Variants in RAPGEF2 observed in about 807,000 individuals in gnomAD.
The protein encoded by RAPGEF2 is PDZ domain containing guanine nucleotide exchange factor (GEF) 1.
In RAPGEF2, 54 loss-of-function variants were observed where a neutral mutation model predicts 186.7. The observed-to-expected ratio is 0.29, with a 90% CI of 0.23 to 0.36. The LOEUF (loss-of-function observed/expected upper bound fraction) is 0.36, where lower values mean the gene tolerates loss of function less well. Among genes scored for constraint, RAPGEF2 ranks in the 10% least tolerant of loss-of-function variants. RAPGEF2 has a pLI of 1.00. For missense variants in RAPGEF2, 1,532 were observed against 2,045.0 expected, an observed-to-expected ratio of 0.75 and a Z score of 4.84; for synonymous variants, 712 against 705.9, an observed-to-expected ratio of 1.01 and a Z score of -0.14.
intron 3 of RAPGEF2, among the ~76,000 whole-genome samples, chr4:159,197,462 C>T (rs549169503): frequency 4.1e-4 from 63 of 152,260 alleles, no homozygotes; most frequent in Non-Finnish European, 5.3e-4. Context: ...ATAAGTGTAA[C>T]TGTGCACCTC....
rs1373886122 is a variant in RAPGEF2 at position 159,354,133 on chromosome 4, G to T, written c.4651+87G>T. The T allele has an allele frequency of 3.7e-6, 5 of 1,336,288 alleles. No individual in the cohort carries two copies. In the South Asian group the frequency reaches 4.7e-5, roughly 13 times the overall value. The allele number at this position is 1,336,288 out of a possible 1,614,324, so 82.8% of individuals were successfully genotyped here. On this transcript the variant is annotated intron_variant, in intron 28 of 29. Transcript: ENST00000691494. Reference sequence around the variant, plus strand: ...CAATAGTAAAATTATGTGTTTGTTGGTTCTTTTCCTCATTTTCTCCATTGC... The same window carrying T: ...CAATAGTAAAATTATGTGTTTGTTGTTTCTTTTCCTCATTTTCTCCATTGC...
intron 4 of RAPGEF2, among the ~76,000 whole-genome samples, chr4:159,230,638 T>G (rs1752530474): frequency 6.6e-6 from 1 of 152,304 alleles, no homozygotes; most frequent in South Asian, 2.1e-4. Context: ...TTCAGATCTT[T>G]GCGGGGGTAA....
At chr4:159,184,960 C>A (rs887042190) in intron 1 of RAPGEF2, among the ~76,000 whole-genome samples, 2 of 152,116 alleles carry the variant, frequency 1.3e-5, no homozygotes, top group African/African-American at 4.8e-5. Context: ...ATATGGCTAG[C>A]CAGTTTCCCC....
At chr4:159,162,616 G>GTTT (rs1157497870) in intron 1 of RAPGEF2, among the ~76,000 whole-genome samples, 1 of 152,002 alleles carries the variant, frequency 6.6e-6, no homozygotes, top group East Asian at 1.9e-4. Flanking sequence ...GAACCTAAGG[G>GTTT]TTTTGCTGGT....
At chr4:159,268,200 G>A (rs1199878452) in intron 7 of RAPGEF2, 42 of 1,603,656 alleles carry the variant, frequency 2.6e-5, no homozygotes, top group Non-Finnish European at 3.6e-5. Flanking sequence ...TTATGGGCCA[G>A]CAGGAGAAAC....
chr4:159,137,306 A>G (rs977161956), intron 1 of RAPGEF2, among the ~76,000 whole-genome samples: 3 of 152,166 alleles, frequency 2.0e-5, no homozygotes, highest in African/African-American at 7.2e-5. Flanking sequence ...TGGCCTGCAG[A>G]CTGCTTTCCT....
At chr4:159,316,158 G>A (rs192745889) in intron 9 of RAPGEF2, among the ~76,000 whole-genome samples, 7 of 152,226 alleles carry the variant, frequency 4.6e-5, no homozygotes, top group African/African-American at 1.2e-4. Context: ...CAGAAGGCTC[G>A]CACTCTTGTC....
intron 7 of RAPGEF2, among the ~76,000 whole-genome samples, chr4:159,280,531 AG>A (rs1337583048): frequency 1.3e-5 from 2 of 152,186 alleles, no homozygotes. Flanking sequence ...ACTTCCCTGA[AG>A]GAGTTCGTGT....
intron 1 of RAPGEF2, among the ~76,000 whole-genome samples, chr4:159,168,955 A>G (rs1745614503): frequency 6.6e-6 from 1 of 152,244 alleles, no homozygotes; most frequent in South Asian, 2.1e-4. Flanking sequence ...GACAACCGTT[A>G]TTCATAATTG....
intron 1 of RAPGEF2, among the ~76,000 whole-genome samples, chr4:159,153,309 C>G (rs1291858374): frequency 6.6e-6 from 1 of 152,124 alleles, no homozygotes; most frequent in Admixed American, 6.5e-5. Flanking sequence ...CACCCACCCC[C>G]CACCTGAGAG....
rs572492091 is a variant in RAPGEF2, at chr4:159,182,483, T to C, written c.70-4159T>C. Among the ~76,000 whole-genome samples the C allele has an allele frequency of 8.1e-5, 12 of 147,706 alleles. No individual in the cohort carries two copies. The South Asian group carries it at 1.8e-3, about 22-fold the overall frequency. ...CAATCTCGGCTCACTGCAACCTCCT[T>C]CTCCTGGGTTCAAGCGATTCTTCTG... On this transcript the variant is annotated intron_variant, in intron 1 of 29. Transcript: ENST00000691494.
intron 7 of RAPGEF2, among the ~76,000 whole-genome samples, chr4:159,269,956 C>T (rs1293462561): frequency 5.3e-5 from 8 of 152,220 alleles, no homozygotes; most frequent in Non-Finnish European, 1.2e-4. Flanking sequence ...AGTGCCTAAA[C>T]TAGAGTCCCT....
At chr4:159,239,425 C>CA (rs1753682363) in intron 5 of RAPGEF2, among the ~76,000 whole-genome samples, 1 of 152,052 alleles carries the variant, frequency 6.6e-6, no homozygotes, top group Admixed American at 6.5e-5. Context: ...TTAAAAAACA[C>CA]AAGAAAATCA....
intron 7 of RAPGEF2, among the ~76,000 whole-genome samples, chr4:159,269,070 A>G (rs1052391154): frequency 2.0e-5 from 3 of 152,196 alleles, no homozygotes; most frequent in African/African-American, 7.2e-5. Flanking sequence ...AAGTATAGGA[A>G]TTGTCTTTCA....
rs1247892470 is a variant in RAPGEF2, at chr4:159,355,859, A to C, written c.4658A>C (p.Lys1553Thr). The C allele has an allele frequency of 6.5e-7, 1 of 1,545,850 alleles. No homozygotes were observed. Among genetic ancestry groups the C allele is most frequent in the Non-Finnish European group, 8.7e-7 (1 of 1,143,368 alleles). The part of the protein sequence containing the change: ...SSTTKGLIAR[K>T]EGRYREPPPT... ...TGCATTGTTTCTACTCTAGCACGAAAGGAGGGCAGGTATCGAGAGCCCCCG... is the reference window on the plus strand; with the variant it reads ...TGCATTGTTTCTACTCTAGCACGAACGGAGGGCAGGTATCGAGAGCCCCCG... Residue 1553 changes from lysine (K) to threonine (T), a missense_variant, in exon 29 of 30, where the codon AAG (lysine) becomes ACG (threonine). Lys to Thr is a moderately conservative substitution (Grantham distance 78). Around this residue, in one of 4 missense-constraint regions of RAPGEF2, gnomAD observed 594 missense variants for 608.5 expected, o/e 0.98. Coordinates refer to ENST00000691494, the MANE Select transcript of RAPGEF2 (RefSeq NM_001394067.2).
chr4:159,337,464 GA>G (rs1278963539), intron 17 of RAPGEF2, among the ~76,000 whole-genome samples: 1 of 152,130 alleles, frequency 6.6e-6, no homozygotes, highest in African/African-American at 2.4e-5. Flanking sequence ...TCAGTTGAGT[GA>G]GTTAAATGTA....
At chr4:159,355,663 A>G (rs1050855858) in intron 28 of RAPGEF2, among the ~76,000 whole-genome samples, 190 bp from the exon 29 acceptor site, 2 of 152,188 alleles carry the variant, frequency 1.3e-5, no homozygotes, top group African/African-American at 4.8e-5. Flanking sequence ...CAAAGATAAC[A>G]TCATTGTGAA....
intron 1 of RAPGEF2, among the ~76,000 whole-genome samples, chr4:159,133,708 C>T (rs1023646485): frequency 5.9e-5 from 9 of 152,228 alleles, no homozygotes; most frequent in Non-Finnish European, 8.8e-5. Context: ...CTCAGCCTCC[C>T]GAGTAGCTGG....
At position 159,188,670 on chromosome 4, in the gene RAPGEF2, A is replaced by T. The variant is rs1403171352; in HGVS notation, c.140+1958A>T. On this transcript the variant is annotated intron_variant, in intron 2 of 29. Transcript: ENST00000691494. ...CAGAATGAGACTACATCTCAAAAAA[A>T]AAAAAAAAGAAAAGAAAAAAAAGAA... 1.3e-5 allele frequency among the ~76,000 whole-genome samples: 2 copies of T among 151,800 alleles called. 1 individual carries two copies. The highest frequency in any genetic ancestry group is 4.8e-5 in the African/African-American group (2 of 41,378).
Sources: gnomAD v4.1 joint callset for allele counts (sites outside exome capture counted in the v4.1 genomes callset) on GRCh38, gnomAD v4.1.1 for gene constraint, gnomAD v4.1.1 regional missense constraint, MANE v1.5 for transcripts, NCBI Gene and HGNC (gene_info 2026-07-23, HGNC 2026-07-21) for gene names.